The following SFPQ variants were observed in gnomAD, a reference collection of about 807,000 sequenced individuals.
SFPQ encodes splicing factor proline and glutamine rich.
SFPQ carries 11 observed loss-of-function variants against 72.9 expected under a neutral mutation model. That is an observed-to-expected ratio of 0.15 (90% CI 0.09 to 0.25). The LOEUF is 0.25. SFPQ is among the 10% of genes least tolerant of loss of function. The probability of loss-of-function intolerance (pLI) is 1.00; values close to 1 mark genes in which losing one functional copy is unlikely to be tolerated. For missense variants in SFPQ, 847 were observed against 993.3 expected (o/e 0.85, Z 1.98); for synonymous variants, 506 against 367.3 (o/e 1.38, Z -4.32).
downstream of SFPQ, chr1:35,181,773 C>T (rs1037924838): frequency 3.7e-5 from 36 of 985,070 alleles, no homozygotes; most frequent in Non-Finnish European, 4.2e-5. Flanking sequence ...AGTTTCAGAT[C>T]GACTTTTAGG....
At chr1:35,182,292 A>G (rs1469289221), downstream of SFPQ, 2 of 985,262 alleles carry the variant, frequency 2.0e-6, no homozygotes, top group African/African-American at 3.5e-5. Flanking sequence ...CTTTCTAATC[A>G]AGACCCTTGT....
Position 35,183,657 on chromosome 1 carries a change from C to A in SFPQ, c.*799G>T. On this transcript the variant is annotated 3_prime_UTR_variant, in exon 10 of 10. Coordinates refer to ENST00000357214, the MANE Select transcript of SFPQ (RefSeq NM_005066.3). ...AGTTCAATACAAGCCATTTATAGGG[C>A]TTGAGATTTGTTGGTCTTTTAAAAA... 5.8e-6 allele frequency: 6 copies of A among 1,037,938 alleles called. No individual in the cohort carries two copies. Among genetic ancestry groups the A allele is most frequent in the Non-Finnish European group, 7.0e-6 (6 of 861,760 alleles). The allele number at this position is 1,037,938 out of a possible 1,614,324, so 64.3% of individuals were successfully genotyped here.
chr1:35,186,898 A>AGT lies in SFPQ; in HGVS notation c.1986+102_1986+103insAC. The AGT allele has an allele frequency of 2.6e-6, 3 of 1,138,462 alleles. No individual in the cohort carries two copies. The African/African-American group carries it at 4.7e-5, about 18-fold the overall frequency. 70.5% of individuals were successfully genotyped at this position (1,138,462 alleles called of 1,614,324 possible). ...TGAAATTGGTAGGGGAAACTAAAAGAGGTCCAGTCACCTACTTAAAAAAAC... is the reference window on the plus strand; with the variant it reads ...TGAAATTGGTAGGGGAAACTAAAAGAGTGGTCCAGTCACCTACTTAAAAAAAC... On this transcript the variant is annotated intron_variant, in intron 9 of 9. Coordinates refer to ENST00000357214, the MANE Select transcript of SFPQ (RefSeq NM_005066.3).
Position 35,192,857 on chromosome 1 carries a change from G to T in SFPQ, c.193C>A (p.Pro65Thr). The T allele has an allele frequency of 6.5e-7, 1 of 1,535,496 alleles. No homozygotes were observed. The highest frequency in any genetic ancestry group is 8.7e-7 in the Non-Finnish European group (1 of 1,149,650). ...GPKPPIPPPP[P>T]HQQQQQPPPQ... ...GGTGGCTGTTGCTGCTGTTGGTGTG[G>T]AGGCGGTGGCGGGATCGGAGGCTTA... is the stretch of plus-strand genomic sequence containing the variant. The change falls in exon 1 of 10, where the codon CCA becomes ACA. Residue 65 changes from proline (P) to threonine (T), a missense_variant. Pro to Thr is a conservative substitution (Grantham distance 38, BLOSUM62 -1). Coordinates refer to ENST00000357214, the MANE Select transcript of SFPQ (RefSeq NM_005066.3).
At chr1:35,177,928 T>G in intron 4 of SFPQ, 1 of 771,780 alleles carries the variant, frequency 1.3e-6, no homozygotes, top group Non-Finnish European at 1.7e-6. Flanking sequence ...CATATCTAAA[T>G]GAAATTATTT....
downstream of SFPQ, chr1:35,182,393 A>C (rs987004968): frequency 1.7e-5 from 17 of 985,266 alleles, no homozygotes; most frequent in African/African-American, 1.0e-4. Flanking sequence ...AAAACTACTC[A>C]TATTTCCGAG....
At chr1:35,179,480 A>AT, downstream of SFPQ, 7 of 1,055,626 alleles carry the variant, frequency 6.6e-6, no homozygotes, top group Non-Finnish European at 6.9e-6. Flanking sequence ...ATTAAAAATA[A>AT]TTTTGGTTTG....
rs375857446 is a variant in SFPQ at position 35,184,605 on chromosome 1, GTAAT to G, written c.1987-16_1987-13del. 1,215 of 1,551,382 alleles carry G rather than the reference GTAAT, an allele frequency of 7.8e-4. 3 individuals are homozygous for G. The highest frequency in any genetic ancestry group is 2.7e-3 in the Middle Eastern group (16 of 5,866). ...AAGCGCTCAGTACGCTATTGGAACA[GTAAT>G]TAACAGTTCATTATAAGTAGTTGAT... On this transcript the variant is annotated splice_polypyrimidine_tract_variant and intron_variant, in intron 9 of 9. Transcript: ENST00000357214.
At chr1:35,185,856 G>A (rs979839627) in intron 9 of SFPQ, among the ~76,000 whole-genome samples, 2 of 152,078 alleles carry the variant, frequency 1.3e-5, no homozygotes, top group African/African-American at 2.4e-5. Flanking sequence ...AATTACACCA[G>A]CTGAGAACCC....
At chr1:35,191,957 C>A (rs2148626942) in intron 1 of SFPQ, among the ~76,000 whole-genome samples, 1 of 152,200 alleles carries the variant, frequency 6.6e-6, no homozygotes, top group South Asian at 2.1e-4. Context: ...GGACAGGATA[C>A]CTTCTGCAGG....
chr1:35,188,906 A>G (rs1359459739), intron 6 of SFPQ, 97 bp downstream of exon 6: 2 of 895,160 alleles, frequency 2.2e-6, no homozygotes, highest in South Asian at 1.5e-5. Flanking sequence ...GGTTGTGGTG[A>G]GCTGAGACTG....
At chr1:35,181,992 A>G (rs571198649), downstream of SFPQ, 42 of 985,294 alleles carry the variant, frequency 4.3e-5, no homozygotes, top group Non-Finnish European at 4.8e-5. Flanking sequence ...ATCAAAAGCC[A>G]CAACTTTCAG....
intron 9 of SFPQ, among the ~76,000 whole-genome samples, chr1:35,186,535 A>G (rs1639723283): frequency 6.6e-6 from 1 of 152,216 alleles, no homozygotes; most frequent in Non-Finnish European, 1.5e-5. Context: ...AAGCCACACC[A>G]AATATAGGTC....
At position 35,192,888 on chromosome 1, in the gene SFPQ, G is replaced by A. The variant is rs1640112628; in HGVS notation, c.162C>T (p.Ser54=). ...RGPMGPGPGQ[S]GPKPPIPPPP... ...GTGGCGGGATCGGAGGCTTAGGGCCGCTCTGGCCCGGGCCAGGACCCATGG... is the reference window on the plus strand; with the variant it reads ...GTGGCGGGATCGGAGGCTTAGGGCCACTCTGGCCCGGGCCAGGACCCATGG... Residue 54 remains serine (S), a synonymous_variant, in exon 1 of 10, where the codon AGC becomes AGT. Transcript: ENST00000357214. 6.5e-7 allele frequency: 1 copy of A among 1,548,048 alleles called. No homozygotes were observed. The highest frequency in any genetic ancestry group is 2.0e-4 in the Middle Eastern group (1 of 5,116).
Position 35,185,853 on chromosome 1 carries a change from C to A in SFPQ, c.1986+1148G>T, listed in dbSNP as rs141027938. ...GGCTTTCATAATTATGTTAATTACACCAGCTGAGAACCCAGGAGCTATCAG... is the reference window on the plus strand; with the variant it reads ...GGCTTTCATAATTATGTTAATTACAACAGCTGAGAACCCAGGAGCTATCAG... On this transcript the variant is annotated intron_variant, in intron 9 of 9. Transcript: ENST00000357214. Among the ~76,000 whole-genome samples, 1,246 of 152,190 alleles carry A rather than the reference C, an allele frequency of 8.2e-3. 11 individuals carry two copies. Among genetic ancestry groups the A allele is most frequent in the African/African-American group, 0.028 (1,167 of 41,514 alleles).
intron 4 of SFPQ, 120 bp from the exon 5 acceptor site, chr1:35,189,502 T>C (rs948319612): frequency 2.8e-6 from 2 of 705,590 alleles, no homozygotes. Flanking sequence ...GGCAAAAATT[T>C]TCCTGATTCA....
intron 9 of SFPQ, among the ~76,000 whole-genome samples, chr1:35,186,411 G>A (rs139288069): frequency 6.6e-6 from 1 of 152,130 alleles, no homozygotes; most frequent in Non-Finnish European, 1.5e-5. Context: ...GTTGATTTTT[G>A]CTACTCTGTA....
chr1:35,191,680 G>A lies in SFPQ; in HGVS notation c.829-151C>T. On this transcript the variant is annotated intron_variant, in intron 1 of 9. Transcript: ENST00000357214. ...TTACTATGTGAGATTTCTAACATGA[G>A]CACTATCTTAACATTGAAAAAGGAG... 4.8e-6 allele frequency: 3 copies of A among 624,030 alleles called. No homozygotes were observed. The South Asian group carries it at 6.2e-5, about 13-fold the overall frequency. The allele number at this position is 624,030 out of a possible 1,614,324, so 38.7% of individuals were successfully genotyped here.
chr1:35,187,199 T>C lies in SFPQ; in HGVS notation c.1864+4A>G. 3 of 1,614,076 alleles carry C rather than the reference T, an allele frequency of 1.9e-6. No homozygotes were observed. The highest frequency in any genetic ancestry group is 8.5e-7 in the Non-Finnish European group (1 of 1,179,962). Reference sequence around the variant, plus strand: ...TATATCATTAATTTAAATTTCACACTTACCTCCCATGTTCATTGCTCCTCC... The same window carrying C: ...TATATCATTAATTTAAATTTCACACCTACCTCCCATGTTCATTGCTCCTCC... On this transcript the variant is annotated splice_donor_region_variant and intron_variant, in intron 8 of 9. Coordinates refer to ENST00000357214, the MANE Select transcript of SFPQ (RefSeq NM_005066.3).
Sources: gnomAD v4.1 joint callset for allele counts (sites outside exome capture counted in the v4.1 genomes callset) on GRCh38, gnomAD v4.1.1 for gene constraint, MANE v1.5 for transcripts, NCBI Gene and HGNC (gene_info 2026-07-23, HGNC 2026-07-21) for gene names.